The following SLC27A6 variants were observed in gnomAD, a reference collection of about 807,000 sequenced individuals.
The protein encoded by SLC27A6 is long-chain fatty acid transport protein 6.
Under a neutral mutation model 63.9 loss-of-function variants are expected in SLC27A6, and 74 were observed. The observed-to-expected ratio is 1.16, with a 90% CI of 0.96 to 1.40. SLC27A6 has a LOEUF of 1.40. SLC27A6 is among the 40% of genes most tolerant of loss of function. SLC27A6 has a pLI of 0.00. For missense variants in SLC27A6, 794 were observed against 732.9 expected (o/e 1.08, Z -0.96); for synonymous variants, 287 against 260.8 (o/e 1.10, Z -0.97).
chr5:128,980,105 T>C lies in SLC27A6; in HGVS notation c.482-5028T>C, dbSNP rs369797041. Among the ~76,000 whole-genome samples the C allele has an allele frequency of 3.3e-5, 5 of 152,094 alleles. No homozygotes were observed. In the South Asian group the frequency reaches 1.0e-3, roughly 32 times the overall value. On this transcript the variant is annotated intron_variant, in intron 1 of 9. Coordinates refer to ENST00000262462, the MANE Select transcript of SLC27A6 (RefSeq NM_001017372.3). ...CAATCTGTTGCTCTCCCTTCCAGGG[T>C]CTATCATCTCCTCTTTTCAGTCTTC...
chr5:128,975,315 C>T (rs1750338834), intron 1 of SLC27A6, among the ~76,000 whole-genome samples: 1 of 152,216 alleles, frequency 6.6e-6, no homozygotes, highest in Admixed American at 6.5e-5. Flanking sequence ...CGTGCAACTA[C>T]ACTCCGGTCT....
At chr5:128,990,223 T>G in intron 3 of SLC27A6, 117 bp from the exon 4 acceptor site, 1 of 960,196 alleles carries the variant, frequency 1.0e-6, no homozygotes. Context: ...TGATGATGAG[T>G]TATTAAAGTT....
chr5:128,992,298 C>T (rs1168122116), intron 4 of SLC27A6, among the ~76,000 whole-genome samples: 3 of 152,050 alleles, frequency 2.0e-5, no homozygotes, highest in African/African-American at 7.2e-5. Flanking sequence ...ATCATCACAT[C>T]TGCTTAAGGC....
intron 1 of SLC27A6, among the ~76,000 whole-genome samples, chr5:128,982,939 A>T (rs1005038374): frequency 1.3e-5 from 2 of 152,182 alleles, no homozygotes; most frequent in Non-Finnish European, 2.9e-5. Flanking sequence ...TTCTATTTTC[A>T]TACAGGTTTT....
In SLC27A6 at chr5:129,017,637, G is replaced by T. The variant is rs191378715; in HGVS notation, c.1164+1558G>T. 2.0e-5 allele frequency among the ~76,000 whole-genome samples: 3 copies of T among 152,120 alleles called. No homozygotes were observed. In the East Asian group the frequency reaches 5.8e-4, roughly 29 times the overall value. ...GTAAATCGATTCTGATTGATAGAAG[G>T]CACAAATAATATCAGGAATGGAAAA... On this transcript the variant is annotated intron_variant, in intron 5 of 9. Transcript: ENST00000262462.
At chr5:129,027,836 A>G (rs1264448215) in intron 7 of SLC27A6, among the ~76,000 whole-genome samples, 1 of 152,084 alleles carries the variant, frequency 6.6e-6, no homozygotes, top group Non-Finnish European at 1.5e-5. Flanking sequence ...AGCTCACTTT[A>G]TATAAAATTA....
chr5:129,025,000 AT>A (rs1752188251), intron 6 of SLC27A6, among the ~76,000 whole-genome samples: 1 of 152,148 alleles, frequency 6.6e-6, no homozygotes, highest in Non-Finnish European at 1.5e-5. Context: ...TGGGAAAATA[AT>A]TTCTGAGCAG....
chr5:128,988,723 C>T lies in SLC27A6; in HGVS notation c.809C>T (p.Ala270Val), dbSNP rs755344265. The T allele has an allele frequency of 4.3e-6, 7 of 1,613,324 alleles. No homozygotes were observed. The highest frequency in any genetic ancestry group is 5.9e-6 in the Non-Finnish European group (7 of 1,179,656). ...ACCCTTCCTCTGTATCATAGTTCAG[C>T]AGCTATCCTGGGAATTTCTGGATGT... ...YITLPLYHSSAAILGISGCVE... is the reference protein window; with the variant it reads ...YITLPLYHSSVAILGISGCVE... Residue 270 changes from alanine (A) to valine (V), a missense_variant, in exon 3 of 10, where the codon GCA becomes GTA. Coordinates refer to ENST00000262462, the MANE Select transcript of SLC27A6 (RefSeq NM_001017372.3).
chr5:129,004,690 G>A (rs1416352404), intron 4 of SLC27A6, among the ~76,000 whole-genome samples: 1 of 152,190 alleles, frequency 6.6e-6, no homozygotes, highest in African/African-American at 2.4e-5. Flanking sequence ...TTTATGGATT[G>A]AGAAGTGGAG....
chr5:129,029,895 C>G (rs570196861), intron 9 of SLC27A6, among the ~76,000 whole-genome samples, 188 bp downstream of exon 9: 1 of 151,954 alleles, frequency 6.6e-6, no homozygotes, highest in Non-Finnish European at 1.5e-5. Flanking sequence ...AATGCTAGGA[C>G]GTACCTGTCT....
intron 4 of SLC27A6, among the ~76,000 whole-genome samples, chr5:129,015,390 G>C (rs896776123): frequency 4.6e-5 from 7 of 152,090 alleles, no homozygotes; most frequent in Admixed American, 3.9e-4. Flanking sequence ...TTTACTCTAT[G>C]TTAAGCACTG....
intron 1 of SLC27A6, among the ~76,000 whole-genome samples, chr5:128,977,617 C>T (rs1012501999): frequency 6.6e-6 from 1 of 152,150 alleles, no homozygotes; most frequent in African/African-American, 2.4e-5. Context: ...AGTTCCCATG[C>T]CACCTTGCCT....
chr5:129,015,909 G>A lies in SLC27A6; in HGVS notation c.994G>A (p.Val332Met). ...GAGAGAAGGAGAAAAGGATCATAAG[G>A]TGCGTTTGGCAATTGGAAATGGCAT... ...SKREGEKDHK[V>M]RLAIGNGIRS... Residue 332 changes from valine to methionine, a missense_variant, in exon 5 of 10, where the codon GTG becomes ATG. Physicochemically the swap from Val to Met is conservative, Grantham distance 21 (BLOSUM62 1). Coordinates refer to ENST00000262462, the MANE Select transcript of SLC27A6 (RefSeq NM_001017372.3). 6.3e-7 allele frequency: 1 copy of A among 1,596,676 alleles called. No homozygotes were observed. The highest frequency in any genetic ancestry group is 8.5e-7 in the Non-Finnish European group (1 of 1,173,818).
intron 2 of SLC27A6, among the ~76,000 whole-genome samples, chr5:128,986,832 C>G (rs918834568): frequency 1.3e-5 from 2 of 151,938 alleles, no homozygotes; most frequent in African/African-American, 4.8e-5. Flanking sequence ...TGGCAGACAC[C>G]GCAGACCCAA....
intron 4 of SLC27A6, among the ~76,000 whole-genome samples, chr5:128,993,559 T>A (rs1009712773): frequency 7.9e-4 from 121 of 152,356 alleles, no homozygotes; most frequent in East Asian, 7.7e-4. Context: ...TGTCTTGTAC[T>A]CATTTATTTG....
At chr5:128,967,759 A>G (rs1028812908) in intron 1 of SLC27A6, among the ~76,000 whole-genome samples, 3 of 88,406 alleles carry the variant, frequency 3.4e-5, no homozygotes, top group African/African-American at 1.0e-4. Context: ...TTTCTTATTT[A>G]TTATTATTTT....
Position 129,033,277 on chromosome 5 carries a change from CTT to C in SLC27A6, c.1857_1858del (p.Ter620ArgfsTer30). On this transcript the variant is annotated frameshift_variant, in exon 10 of 10. Transcript: ENST00000262462. LOFTEE classifies it high-confidence loss of function. ...TCAAATAATGTTAGGGGAAATAAAA[CTT>C]TAAGATTTTTATATCTAGAACTTTC... ...YDQIMLGEIKL is the reference protein window; with the variant it reads ...YDQIMLGEIKX 1 of 1,546,072 alleles carries C rather than the reference CTT, an allele frequency of 6.5e-7. No individual in the cohort carries two copies. Among genetic ancestry groups the C allele is most frequent in the Non-Finnish European group, 8.8e-7 (1 of 1,140,738 alleles).
At chr5:128,983,407 C>G (rs1481660777) in intron 1 of SLC27A6, among the ~76,000 whole-genome samples, 1 of 150,132 alleles carries the variant, frequency 6.7e-6, no homozygotes, top group Non-Finnish European at 1.5e-5. Flanking sequence ...ATTCTCCTGC[C>G]TCAGCCTCCT....
chr5:128,982,304 AAATT>A (rs1750622694), intron 1 of SLC27A6, among the ~76,000 whole-genome samples: 1 of 152,214 alleles, frequency 6.6e-6, no homozygotes, highest in African/African-American at 2.4e-5. Context: ...CACCTAAATA[AAATT>A]AATTTTAACT....
Sources: allele counts gnomAD v4.1 joint callset (sites outside exome capture counted in the v4.1 genomes callset), GRCh38; gene constraint gnomAD v4.1.1; transcripts MANE v1.5; gene names NCBI Gene and HGNC (gene_info 2026-07-23, HGNC 2026-07-21).